Variants in AGAP1 observed in about 807,000 individuals in gnomAD.
AGAP1 encodes ArfGAP with GTPase domain, ankyrin repeat and PH domain 1, also known as arf-GAP with GTPase, ANK repeat and PH domain-containing protein 1.
A neutral mutation model predicts 105.3 loss-of-function variants in AGAP1; 29 were observed. The observed-to-expected ratio is 0.28, with a 90% confidence interval of 0.21 to 0.38. The LOEUF (loss-of-function observed/expected upper bound fraction) is 0.38, where lower values mean the gene tolerates loss of function less well. Among genes scored for constraint, AGAP1 ranks in the 10% least tolerant of loss-of-function variants. AGAP1 has a pLI of 1.00. For missense variants in AGAP1, 998 were observed against 1,165.1 expected (o/e 0.86, Z 2.09); for synonymous variants, 509 against 485.9 (o/e 1.05, Z -0.63).
intron 13 of AGAP1, among the ~76,000 whole-genome samples, chr2:235,984,607 C>T (rs1482921554): frequency 6.6e-6 from 1 of 152,026 alleles, no homozygotes; most frequent in Non-Finnish European, 1.5e-5. Context: ...CCCCTCACCC[C>T]CGACCCCCAA....
Position 235,578,016 on chromosome 2 carries a change from C to T in AGAP1, c.163+83167C>T, listed in dbSNP as rs902152405. Among the ~76,000 whole-genome samples the T allele has an allele frequency of 2.6e-5, 4 of 152,098 alleles. No homozygotes were observed. Among genetic ancestry groups the T allele is most frequent in the Non-Finnish European group, 5.9e-5 (4 of 68,012 alleles). ...CAGGTGCCTGCGTGTGCTGGTCCCG[C>T]CATCAGGACTTCCCCTCGTGAGGAG... is the stretch of plus-strand genomic sequence containing the variant. On this transcript the variant is annotated intron_variant, in intron 1 of 17. Transcript: ENST00000304032. The surrounding 1 kb of genome is among the most constrained non-coding windows in gnomAD (Gnocchi z 4.9).
At chr2:236,041,128 G>A (rs1182052987) in intron 15 of AGAP1, among the ~76,000 whole-genome samples, 1 of 152,152 alleles carries the variant, frequency 6.6e-6, no homozygotes, top group Non-Finnish European at 1.5e-5. Flanking sequence ...CACACCCACA[G>A]CCTGTGCCAA....
chr2:236,093,500 G>A (rs1015272619), intron 16 of AGAP1, among the ~76,000 whole-genome samples: 1 of 152,072 alleles, frequency 6.6e-6, no homozygotes, highest in Non-Finnish European at 1.5e-5. Flanking sequence ...CACAATTGGG[G>A]GCATTTTCCA....
At chr2:235,923,452 A>G (rs7568600) in intron 11 of AGAP1, among the ~76,000 whole-genome samples, 65,157 of 150,426 alleles carry the variant, frequency 0.43, 14,945 homozygotes, top group African/African-American at 0.56. Flanking sequence ...AGGGGCCGCC[A>G]CTCACATCCA....
intron 1 of AGAP1, among the ~76,000 whole-genome samples, chr2:235,536,406 T>TACACACACAC (rs71300670): frequency 0.019 from 75 of 3,952 alleles, 22 homozygotes; most frequent in African/African-American, 0.06. Context: ...TGTGGCATCC[T>TACACACACAC]ACACACACAC....
At chr2:236,049,782 A>G (rs918145014) in intron 16 of AGAP1, 3 of 152,944 alleles carry the variant, frequency 2.0e-5, no homozygotes, top group African/African-American at 4.8e-5. Flanking sequence ...ATAATGTATG[A>G]TGTAACTCCT....
intron 16 of AGAP1, among the ~76,000 whole-genome samples, chr2:236,057,977 A>G (rs985902604): frequency 6.6e-6 from 1 of 152,278 alleles, no homozygotes; most frequent in East Asian, 1.9e-4. Context: ...GCCTGCTGAT[A>G]TAGAAGATGT....
At chr2:235,914,950 A>G (rs1188884694) in intron 11 of AGAP1, among the ~76,000 whole-genome samples, 1 of 152,206 alleles carries the variant, frequency 6.6e-6, no homozygotes, top group African/African-American at 2.4e-5. Context: ...AAAAAGGGAA[A>G]CAGAGATGAT....
At chr2:235,761,504 G>C (rs2149784724) in intron 6 of AGAP1, among the ~76,000 whole-genome samples, 1 of 152,300 alleles carries the variant, frequency 6.6e-6, no homozygotes, top group African/African-American at 2.4e-5. Flanking sequence ...TATCATAGCT[G>C]TGTTTTGCCC....
chr2:235,992,975 C>T lies in AGAP1; in HGVS notation c.1645+24352C>T, dbSNP rs560142161. On this transcript the variant is annotated intron_variant, in intron 13 of 17. Coordinates refer to ENST00000304032, the MANE Select transcript of AGAP1 (RefSeq NM_001037131.3). The surrounding 1 kb of genome is among the most constrained non-coding windows in gnomAD (Gnocchi z 4.8). ...GGAACTGGAAATGCCTCCATGCTGA[C>T]GTGTCTGCCTTTCATGAAAGATAGT... Among the ~76,000 whole-genome samples, 39 of 152,280 alleles carry T rather than the reference C, an allele frequency of 2.6e-4. No homozygotes were observed. The highest frequency in any genetic ancestry group is 8.2e-4 in the African/African-American group (34 of 41,560).
intron 1 of AGAP1, among the ~76,000 whole-genome samples, chr2:235,508,007 G>A (rs559518376): frequency 1.3e-5 from 2 of 152,152 alleles, no homozygotes; most frequent in South Asian, 4.2e-4. Context: ...TTGTGTCAAT[G>A]TTGAGCTCAA....
chr2:235,598,045 C>T (rs113887904), intron 1 of AGAP1, among the ~76,000 whole-genome samples: 1 of 122,136 alleles, frequency 8.2e-6, no homozygotes, highest in East Asian at 2.6e-4. Flanking sequence ...CGTGCACGCG[C>T]TCCCGTGTTT....
At chr2:236,084,829 G>T (rs138581063) in intron 16 of AGAP1, among the ~76,000 whole-genome samples, 2 of 151,968 alleles carry the variant, frequency 1.3e-5, no homozygotes, top group African/African-American at 4.8e-5. Context: ...ACTTGAACCC[G>T]GGAGGCAGAG....
At chr2:235,909,799 T>C (rs890452202) in intron 11 of AGAP1, among the ~76,000 whole-genome samples, 2 of 152,148 alleles carry the variant, frequency 1.3e-5, no homozygotes, top group African/African-American at 4.8e-5. Context: ...GGCGGGTGGA[T>C]CGCCTGAGGT....
At chr2:235,668,283 G>C (rs1245877312) in intron 1 of AGAP1, among the ~76,000 whole-genome samples, 1 of 152,238 alleles carries the variant, frequency 6.6e-6, no homozygotes. Context: ...GATTTCCTAG[G>C]CTATAACTTC....
chr2:235,989,663 T>G lies in AGAP1; in HGVS notation c.1645+21040T>G, dbSNP rs987625544. ...GGAGAGTTCGGGCTGCACCAGCTCC[T>G]GGGTGTTGGTTGGAGAAAGAGTCAT... is the stretch of plus-strand genomic sequence containing the variant. On this transcript the variant is annotated intron_variant, in intron 13 of 17. Transcript: ENST00000304032. This position sits in a 1 kb window ranked among gnomAD's most constrained non-coding sequence, Gnocchi z 4.4. 1.3e-5 allele frequency among the ~76,000 whole-genome samples: 2 copies of G among 152,112 alleles called. No homozygotes were observed. Among genetic ancestry groups the G allele is most frequent in the African/African-American group, 4.8e-5 (2 of 41,408 alleles).
chr2:235,690,140 C>G lies in AGAP1; in HGVS notation c.164-19039C>G, dbSNP rs550641309. Reference sequence around the variant, plus strand: ...CTGAGTCCCCAGGTTCCCCTCTCCCCCTACCTGAGGTACTGAGGGATCTCA... The same window carrying G: ...CTGAGTCCCCAGGTTCCCCTCTCCCGCTACCTGAGGTACTGAGGGATCTCA... On this transcript the variant is annotated intron_variant, in intron 1 of 17. Transcript: ENST00000304032. This position sits in a 1 kb window ranked among gnomAD's most constrained non-coding sequence, Gnocchi z 4.1. 3.9e-5 allele frequency among the ~76,000 whole-genome samples: 6 copies of G among 152,186 alleles called. No homozygotes were observed. The East Asian group carries it at 1.2e-3, about 30-fold the overall frequency.
At chr2:236,010,758 C>A (rs560900576) in intron 13 of AGAP1, among the ~76,000 whole-genome samples, 1 of 152,214 alleles carries the variant, frequency 6.6e-6, no homozygotes, top group Non-Finnish European at 1.5e-5. Flanking sequence ...AAAATTAATA[C>A]CATTGTTATA....
chr2:236,108,046 G>A (rs2059544784), intron 16 of AGAP1, among the ~76,000 whole-genome samples: 1 of 152,210 alleles, frequency 6.6e-6, no homozygotes, highest in South Asian at 2.1e-4. Flanking sequence ...CTCCCCGCAT[G>A]CGGGATTTAC....
Sources: allele counts gnomAD v4.1 joint callset (sites outside exome capture counted in the v4.1 genomes callset), GRCh38; gene constraint gnomAD v4.1.1; non-coding constraint Gnocchi (gnomAD v3.1); transcripts MANE v1.5; gene names NCBI Gene and HGNC (gene_info 2026-07-23, HGNC 2026-07-21).